HERC2: variants seen among roughly 807,000 people sequenced by gnomAD.
HERC2 encodes HECT and RLD domain containing E3 ubiquitin protein ligase 2, also known as E3 ubiquitin-protein ligase HERC2.
In HERC2, 102 loss-of-function variants were observed where a neutral mutation model predicts 537.7. That is an observed-to-expected ratio of 0.19 (90% CI 0.16 to 0.22). The LOEUF (loss-of-function observed/expected upper bound fraction) is 0.22, where lower values mean the gene tolerates loss of function less well. HERC2 is among the 10% of genes least tolerant of loss of function. The pLI is 1.00. For synonymous variants in HERC2, 2,224 were observed against 2,466.2 expected (o/e 0.90, Z 2.91); for missense variants, 4,236 against 6,198.2 (o/e 0.68, Z 10.63).
chr15:28,296,436 A>G (rs1173997648), intron 3 of HERC2, among the ~76,000 whole-genome samples: 3 of 152,124 alleles, frequency 2.0e-5, no homozygotes, highest in Admixed American at 6.6e-5. Flanking sequence ...TCATGCCGCT[A>G]CACTCCAGCC....
intron 20 of HERC2, among the ~76,000 whole-genome samples, chr15:28,253,431 T>C (rs1427710178): frequency 6.6e-6 from 1 of 152,240 alleles, no homozygotes; most frequent in East Asian, 1.9e-4. Flanking sequence ...CACCTGCTTA[T>C]TAGTAAGAAT....
At chr15:28,307,342 A>G in intron 2 of HERC2, among the ~76,000 whole-genome samples, 1 of 152,118 alleles carries the variant, frequency 6.6e-6, no homozygotes, top group Non-Finnish European at 1.5e-5. Flanking sequence ...GATCTTTTGT[A>G]TTATTTTCTT....
intron 3 of HERC2, among the ~76,000 whole-genome samples, chr15:28,298,902 G>A (rs1400742899): frequency 2.0e-5 from 3 of 152,014 alleles, no homozygotes; most frequent in African/African-American, 7.2e-5. Context: ...CTTTATCCAC[G>A]TTGATGACTC....
intron 15 of HERC2, 62 bp from the exon 16 acceptor site, chr15:28,261,032 A>G: frequency 7.7e-7 from 1 of 1,295,974 alleles, no homozygotes; most frequent in Non-Finnish European, 1.1e-6. Flanking sequence ...CAAGAAAGAT[A>G]TTTCCTAGGC....
chr15:28,185,376 C>T (rs1422742906), intron 56 of HERC2, among the ~76,000 whole-genome samples: 1 of 152,056 alleles, frequency 6.6e-6, no homozygotes, highest in Non-Finnish European at 1.5e-5. Context: ...TCTGGAGGGC[C>T]CCGGTCACAC....
At chr15:28,307,877 G>A (rs1435060877) in intron 2 of HERC2, among the ~76,000 whole-genome samples, 1 of 152,062 alleles carries the variant, frequency 6.6e-6, no homozygotes, top group Non-Finnish European at 1.5e-5. Flanking sequence ...GTGCGGATTT[G>A]TTTCTGGATT....
At position 28,122,779 on chromosome 15, in the gene HERC2, C is replaced by G. The variant is rs1889068807; in HGVS notation, c.13188+1258G>C. On this transcript the variant is annotated intron_variant, in intron 85 of 92. Coordinates refer to ENST00000261609, the MANE Select transcript of HERC2 (RefSeq NM_004667.6). The surrounding 1 kb of genome is among the most constrained non-coding windows in gnomAD (Gnocchi z 4.1). The stretch of plus-strand genomic sequence containing the variant: ...ACCTTTCAGACGCCCTCAGCACTCC[C>G]CTGCTCTCCTGCAGCCCCAGCAGGT... Among the ~76,000 whole-genome samples, 1 of 152,082 alleles carries G rather than the reference C, an allele frequency of 6.6e-6. No homozygotes were observed. Among genetic ancestry groups the G allele is most frequent in the Admixed American group, 6.6e-5 (1 of 15,260 alleles).
At chr15:28,307,280 G>GTT (rs1341402580) in intron 2 of HERC2, among the ~76,000 whole-genome samples, 6 of 152,182 alleles carry the variant, frequency 3.9e-5, no homozygotes, top group African/African-American at 1.4e-4. Flanking sequence ...CTCTTAGCCT[G>GTT]CCTGAAGGCT....
intron 23 of HERC2, among the ~76,000 whole-genome samples, chr15:28,243,110 A>G (rs1903299238): frequency 6.6e-6 from 1 of 152,188 alleles, no homozygotes; most frequent in Admixed American, 6.5e-5. Flanking sequence ...AGCATAGACA[A>G]TCACTTGGTT....
intron 83 of HERC2, among the ~76,000 whole-genome samples, chr15:28,126,750 T>C (rs959351345): frequency 2.6e-5 from 4 of 152,106 alleles, no homozygotes; most frequent in African/African-American, 7.2e-5. Context: ...AGACTACACA[T>C]TGGGTACTGT....
chr15:28,178,133 C>T (rs749175269), intron 59 of HERC2, among the ~76,000 whole-genome samples: 2 of 151,940 alleles, frequency 1.3e-5, no homozygotes, highest in African/African-American at 2.4e-5. Flanking sequence ...CAACAGAACC[C>T]CCATGTTAAA....
At chr15:28,187,174 T>C (rs937133418) in intron 55 of HERC2, among the ~76,000 whole-genome samples, 3 of 152,080 alleles carry the variant, frequency 2.0e-5, no homozygotes, top group Admixed American at 1.3e-4. Flanking sequence ...TCAGAACAAA[T>C]AGTACAAAGA....
intron 78 of HERC2, among the ~76,000 whole-genome samples, chr15:28,140,770 C>T (rs1412979676): frequency 4.6e-5 from 7 of 151,496 alleles, no homozygotes; most frequent in African/African-American, 9.7e-5. Flanking sequence ...GATCCACCCA[C>T]CTTGGGCTCC....
rs538829323 is a variant in HERC2, at chr15:28,182,397, G to C, written c.8937+4C>G. ...CCTGCTGGGTCCCAGGGAGCAGGCC[G>C]TACCTTGGAGCCTTTCAGCCCGCCC... On this transcript the variant is annotated splice_donor_region_variant and intron_variant, in intron 57 of 92. Transcript: ENST00000261609. The C allele has an allele frequency of 1.2e-6, 2 of 1,608,380 alleles. No individual in the cohort carries two copies. Among genetic ancestry groups the C allele is most frequent in the East Asian group, 4.5e-5 (2 of 44,842 alleles).
At chr15:28,214,451 G>A (rs1899642790) in intron 40 of HERC2, among the ~76,000 whole-genome samples, 179 bp from the exon 41 acceptor site, 1 of 150,798 alleles carries the variant, frequency 6.6e-6, no homozygotes, top group Non-Finnish European at 1.5e-5. Context: ...AGGGCACAGG[G>A]AAGGGAGACG....
At chr15:28,213,693 T>C (rs1899528035) in intron 42 of HERC2, 49 bp downstream of exon 42, 4 of 1,612,400 alleles carry the variant, frequency 2.5e-6, no homozygotes, top group Non-Finnish European at 3.4e-6. Flanking sequence ...GGTTCTAGTG[T>C]AAAGTCAATT....
At chr15:28,169,013 A>C (rs1894433212) in intron 66 of HERC2, among the ~76,000 whole-genome samples, 1 of 152,186 alleles carries the variant, frequency 6.6e-6, no homozygotes, top group Non-Finnish European at 1.5e-5. Context: ...TTCTGAAACT[A>C]ATTTTCCTAT....
At chr15:28,288,460 G>C (rs1326803265) in intron 4 of HERC2, among the ~76,000 whole-genome samples, 3 of 120,408 alleles carry the variant, frequency 2.5e-5, no homozygotes, top group Non-Finnish European at 5.0e-5. Flanking sequence ...GAGGGAGGCA[G>C]AGGCTGCAGT....
intron 5 of HERC2, among the ~76,000 whole-genome samples, chr15:28,275,835 C>T (rs2141020043): frequency 6.6e-6 from 1 of 151,656 alleles, no homozygotes; most frequent in East Asian, 2.0e-4. Context: ...TCAACTCAAT[C>T]ATGCACAGCA....
Sources: gnomAD v4.1 joint callset for allele counts (sites outside exome capture counted in the v4.1 genomes callset) on GRCh38, gnomAD v4.1.1 for gene constraint, Gnocchi (gnomAD v3.1) non-coding constraint, MANE v1.5 for transcripts, NCBI Gene and HGNC (gene_info 2026-07-23, HGNC 2026-07-21) for gene names.